ERBB4: variants seen among roughly 807,000 people sequenced by gnomAD.
ERBB4 encodes the protein receptor tyrosine-protein kinase erbB-4.
A neutral mutation model predicts 158.0 loss-of-function variants in ERBB4; 42 were observed. The observed-to-expected ratio is 0.27, with a 90% CI of 0.21 to 0.34. The LOEUF (loss-of-function observed/expected upper bound fraction) is 0.34, where lower values mean the gene tolerates loss of function less well. Among genes scored for constraint, ERBB4 ranks in the 10% least tolerant of loss-of-function variants. The pLI is 1.00. For missense variants in ERBB4, 1,333 were observed against 1,624.1 expected (o/e 0.82, Z 3.08); for synonymous variants, 583 against 558.7 (o/e 1.04, Z -0.61).
chr2:212,337,593 C>A (rs1175881977), intron 1 of ERBB4, among the ~76,000 whole-genome samples: 1 of 152,050 alleles, frequency 6.6e-6, no homozygotes, highest in Admixed American at 6.6e-5. Flanking sequence ...TCCATGCTCA[C>A]CCCAGAGGAG....
intron 1 of ERBB4, among the ~76,000 whole-genome samples, chr2:212,248,188 T>C (rs1284818484): frequency 6.6e-6 from 1 of 152,100 alleles, no homozygotes; most frequent in Non-Finnish European, 1.5e-5. Context: ...ATGAAAGAAA[T>C]ATGTGTTTAG....
At chr2:212,441,282 T>C (rs1485370989) in intron 1 of ERBB4, among the ~76,000 whole-genome samples, 1 of 152,196 alleles carries the variant, frequency 6.6e-6, no homozygotes, top group Non-Finnish European at 1.5e-5. Flanking sequence ...TTTCCATCTT[T>C]GTCTGAGGAG....
At chr2:212,336,591 A>T (rs2088452519) in intron 1 of ERBB4, among the ~76,000 whole-genome samples, 1 of 152,066 alleles carries the variant, frequency 6.6e-6, no homozygotes, top group South Asian at 2.1e-4. Context: ...ATAGCCCGAA[A>T]TCACAGACAA....
At chr2:212,082,426 G>T (rs1173477590) in intron 2 of ERBB4, among the ~76,000 whole-genome samples, 1 of 151,984 alleles carries the variant, frequency 6.6e-6, no homozygotes, top group Non-Finnish European at 1.5e-5. Flanking sequence ...TCTGAGCAAA[G>T]AAATTGGGAA....
chr2:211,651,226 C>G (rs1243259935), intron 16 of ERBB4, among the ~76,000 whole-genome samples: 1 of 152,028 alleles, frequency 6.6e-6, no homozygotes, highest in Admixed American at 6.6e-5. Flanking sequence ...CCTTTGAGGA[C>G]AAGAATATGA....
chr2:211,426,011 T>A lies in ERBB4; in HGVS notation c.2720-1710A>T, dbSNP rs117364323. On this transcript the variant is annotated intron_variant, in intron 22 of 27. Coordinates refer to ENST00000342788, the MANE Select transcript of ERBB4 (RefSeq NM_005235.3). ...GAATATATATTTAAGGAGAACACTT[T>A]ATTAACTTAGGTAGGTAGTTATAAA... is the stretch of plus-strand genomic sequence containing the variant. Among the ~76,000 whole-genome samples, 17 of 152,254 alleles carry A rather than the reference T, an allele frequency of 1.1e-4. No individual in the cohort carries two copies. In the East Asian group the frequency reaches 2.9e-3, roughly 26 times the overall value.
chr2:212,157,314 T>A (rs1208411291), intron 1 of ERBB4, among the ~76,000 whole-genome samples: 1 of 152,076 alleles, frequency 6.6e-6, no homozygotes, highest in Non-Finnish European at 1.5e-5. Flanking sequence ...TGGGGTGAGA[T>A]GGCCTCTCTG....
intron 3 of ERBB4, among the ~76,000 whole-genome samples, chr2:211,895,962 T>A (rs1258002738): frequency 6.6e-6 from 1 of 152,166 alleles, no homozygotes; most frequent in Admixed American, 6.6e-5. Flanking sequence ...GTCTCCTTGT[T>A]CCCAGGTCTC....
intron 3 of ERBB4, among the ~76,000 whole-genome samples, chr2:211,801,708 G>C (rs527289435): frequency 3.6e-4 from 55 of 152,042 alleles, no homozygotes; most frequent in Non-Finnish European, 5.3e-4. Flanking sequence ...ATTTTTAGAA[G>C]TTTCATGAAA....
At chr2:212,146,189 T>C (rs753762538) in intron 1 of ERBB4, among the ~76,000 whole-genome samples, 14 of 152,226 alleles carry the variant, frequency 9.2e-5, no homozygotes, top group Admixed American at 4.6e-4. Context: ...ATGAATTAAA[T>C]ATTTAGTGTT....
intron 3 of ERBB4, among the ~76,000 whole-genome samples, chr2:211,897,163 T>C (rs897005238): frequency 6.6e-6 from 1 of 151,378 alleles, no homozygotes; most frequent in African/African-American, 2.4e-5. Flanking sequence ...AAGAAAAATA[T>C]CATAAAAATT....
At chr2:212,293,404 A>G (rs1655924859) in intron 1 of ERBB4, among the ~76,000 whole-genome samples, 1 of 152,118 alleles carries the variant, frequency 6.6e-6, no homozygotes, top group African/African-American at 2.4e-5. Context: ...AGCTTTCAAT[A>G]ATAGAAAAAT....
At chr2:211,539,378 G>C (rs764569968) in intron 20 of ERBB4, among the ~76,000 whole-genome samples, 1 of 151,880 alleles carries the variant, frequency 6.6e-6, no homozygotes, top group Non-Finnish European at 1.5e-5. Context: ...AACATACCAC[G>C]TCTGTAGAAT....
At chr2:212,060,007 A>C (rs1016073348) in intron 2 of ERBB4, among the ~76,000 whole-genome samples, 2 of 152,166 alleles carry the variant, frequency 1.3e-5, no homozygotes, top group Admixed American at 6.5e-5. Flanking sequence ...GAACAGGCAA[A>C]CTACAGAATG....
At chr2:211,842,358 C>A (rs1243072485) in intron 3 of ERBB4, among the ~76,000 whole-genome samples, 1 of 149,640 alleles carries the variant, frequency 6.7e-6, no homozygotes, top group Non-Finnish European at 1.5e-5. Context: ...TACGTTTCCA[C>A]TTTTTTTTTC....
At chr2:212,208,854 T>C (rs1048604431) in intron 1 of ERBB4, among the ~76,000 whole-genome samples, 1 of 152,200 alleles carries the variant, frequency 6.6e-6, no homozygotes, top group African/African-American at 2.4e-5. Context: ...AAAATAACTC[T>C]GTATAAGGAA....
intron 1 of ERBB4, among the ~76,000 whole-genome samples, chr2:212,233,299 G>A (rs1330687550): frequency 6.6e-6 from 1 of 152,132 alleles, no homozygotes; most frequent in African/African-American, 2.4e-5. Context: ...TCATTTAGGA[G>A]ACCAAGACTT....
intron 19 of ERBB4, among the ~76,000 whole-genome samples, chr2:211,616,951 A>G (rs1258335569): frequency 6.6e-6 from 1 of 152,094 alleles, no homozygotes; most frequent in Non-Finnish European, 1.5e-5. Context: ...TCATGGCTCA[A>G]CCAGAGCCTC....
chr2:211,781,058 T>G (rs1248719548), intron 4 of ERBB4, among the ~76,000 whole-genome samples: 1 of 152,196 alleles, frequency 6.6e-6, no homozygotes, highest in African/African-American at 2.4e-5. Context: ...ACTTTTTTAT[T>G]TCTTATTTTT....
Sources: allele counts gnomAD v4.1 joint callset (sites outside exome capture counted in the v4.1 genomes callset), GRCh38; gene constraint gnomAD v4.1.1; transcripts MANE v1.5; gene names NCBI Gene and HGNC (gene_info 2026-07-23, HGNC 2026-07-21).